Variants in ATM observed in about 807,000 individuals in gnomAD.
The protein encoded by ATM is serine-protein kinase ATM.
Under a neutral mutation model 387.0 loss-of-function variants are expected in ATM, and 308 were observed. The ratio of observed to expected loss-of-function variants is 0.80; its 90% CI spans 0.73 to 0.87. The LOEUF (loss-of-function observed/expected upper bound fraction) is 0.87. Among genes scored for constraint, ATM ranks in the 40% least tolerant of loss-of-function variants. ATM has a pLI of 0.00. For missense variants in ATM, 3,312 were observed against 3,560.9 expected, an observed-to-expected ratio of 0.93 and a Z score of 1.78; for synonymous variants, 1,156 against 1,187.3, an observed-to-expected ratio of 0.97 and a Z score of 0.54.
chr11:108,225,349 G>A (rs561343933), intron 1 of ATM: 3 of 152,240 alleles, frequency 2.0e-5, no homozygotes, highest in Non-Finnish European at 2.9e-5. Flanking sequence ...ATCTATAGCA[G>A]AGTAAAGCGG....
At chr11:108,289,429 C>A (rs971958634) in intron 28 of ATM, among the ~76,000 whole-genome samples, 173 bp from the exon 29 acceptor site, 1 of 151,968 alleles carries the variant, frequency 6.6e-6, no homozygotes. Flanking sequence ...TAGTAATTTT[C>A]TTAATGTAAC....
intron 51 of ATM, 43 bp downstream of exon 51, chr11:108,331,600 C>T (rs1365478835): frequency 1.4e-6 from 2 of 1,471,282 alleles, no homozygotes; most frequent in African/African-American, 1.4e-5. Flanking sequence ...TATTTTTATT[C>T]TATTATTACT....
chr11:108,330,801 T>C (rs1234861773), intron 50 of ATM, among the ~76,000 whole-genome samples: 1 of 152,192 alleles, frequency 6.6e-6, no homozygotes, highest in Admixed American at 6.5e-5. Flanking sequence ...GTTTTCCCCC[T>C]GCTGCAGAAA....
chr11:108,264,976 TAAAAG>T (rs1164044773), intron 16 of ATM, among the ~76,000 whole-genome samples: 1 of 111,402 alleles, frequency 9.0e-6, no homozygotes, highest in African/African-American at 3.6e-5. Context: ...CTCAAGGAAA[TAAAAG>T]AGGATACAAA....
chr11:108,279,142 A>G (rs1372051793), intron 22 of ATM, among the ~76,000 whole-genome samples: 1 of 152,240 alleles, frequency 6.6e-6, no homozygotes, highest in Non-Finnish European at 1.5e-5. Flanking sequence ...GCAGGTTGAC[A>G]TTGGAATCTG....
At chr11:108,247,174 T>C in intron 8 of ATM, 47 bp downstream of exon 8, 2 of 1,608,598 alleles carry the variant, frequency 1.2e-6, no homozygotes, top group East Asian at 4.5e-5. Flanking sequence ...CTGTTAATTT[T>C]TTTTTTAAAC....
intron 26 of ATM, among the ~76,000 whole-genome samples, chr11:108,285,446 A>G (rs552863898): frequency 5.9e-5 from 9 of 152,220 alleles, no homozygotes; most frequent in African/African-American, 2.2e-4. Context: ...ATTTATATAC[A>G]TTTCCAAAAT....
intron 8 of ATM, among the ~76,000 whole-genome samples, chr11:108,247,383 C>T (rs531083714): frequency 6.6e-6 from 1 of 152,192 alleles, no homozygotes; most frequent in South Asian, 2.1e-4. Flanking sequence ...AATAAGGTGA[C>T]CCTAACCCTA....
At chr11:108,336,094 C>T (rs865982041) in intron 56 of ATM, 133 bp downstream of exon 56, 32 of 667,852 alleles carry the variant, frequency 4.8e-5, no homozygotes, top group Admixed American at 2.0e-4. Context: ...GCCAGGAGTT[C>T]GAGACCAGCC....
chr11:108,329,324 T>C, intron 49 of ATM, 86 bp downstream of exon 49: 1 of 1,205,320 alleles, frequency 8.3e-7, no homozygotes, highest in South Asian at 1.3e-5. Context: ...CTTGGTCTTT[T>C]TATCTGATAT....
intron 4 of ATM, chr11:108,231,340 T>G (rs1360408727): frequency 2.0e-5 from 3 of 152,172 alleles, no homozygotes; most frequent in Non-Finnish European, 2.9e-5. Context: ...GAAGTGTGTG[T>G]TCAGGGACTC....
intron 40 of ATM, among the ~76,000 whole-genome samples, chr11:108,312,907 T>A (rs2084299195): frequency 6.6e-6 from 1 of 152,236 alleles, no homozygotes; most frequent in Non-Finnish European, 1.5e-5. Context: ...AATTGGCTCA[T>A]GTTACTGTCT....
intron 6 of ATM, 103 bp from the exon 7 acceptor site, chr11:108,244,685 G>C: frequency 1.1e-6 from 1 of 914,794 alleles, no homozygotes; most frequent in Non-Finnish European, 1.8e-6. Context: ...TTGAAAATTA[G>C]GGTTTTGTTT....
At chr11:108,349,183 T>C (rs576578041) in intron 59 of ATM, among the ~76,000 whole-genome samples, 3 of 152,138 alleles carry the variant, frequency 2.0e-5, no homozygotes, top group African/African-American at 7.2e-5. Context: ...GGAAAATCTT[T>C]TATGAAAGAA....
intron 42 of ATM, among the ~76,000 whole-genome samples, 159 bp downstream of exon 42, chr11:108,316,272 G>A (rs749530178): frequency 2.0e-5 from 3 of 152,136 alleles, no homozygotes; most frequent in Non-Finnish European, 4.4e-5. Flanking sequence ...GGATACTCCT[G>A]AAGCAGAGGG....
At chr11:108,233,141 C>T (rs1304533909) in intron 4 of ATM, among the ~76,000 whole-genome samples, 9 of 152,140 alleles carry the variant, frequency 5.9e-5, no homozygotes, top group African/African-American at 9.7e-5. Context: ...GGTTTATAGG[C>T]GTGAGCCACT....
At position 108,271,269 on chromosome 11, in the gene ATM, T is replaced by C. The variant is rs748119565; in HGVS notation, c.2940T>C (p.Tyr980=). 7 of 1,613,868 alleles carry C rather than the reference T, an allele frequency of 4.3e-6. No homozygotes were observed. The South Asian group carries it at 7.7e-5, about 18-fold the overall frequency. Residue 980 remains tyrosine (Y), a synonymous_variant, in exon 20 of 63, where the codon TAT becomes TAC. Transcript: ENST00000675843. ...ACCACAGCAATGTGTGTTCTTTGTA[T>C]CGTCGTGACCAAGATGTTTGTAAAA... ...LKPLSNVCSL[Y]RRDQDVCKTI...
intron 1 of ATM, chr11:108,223,754 G>A (rs1280255818): frequency 6.6e-6 from 1 of 152,236 alleles, no homozygotes. Flanking sequence ...GATGGTAGAG[G>A]AGTGACTTTG....
intron 60 of ATM, among the ~76,000 whole-genome samples, chr11:108,354,391 A>C (rs1482645099): frequency 6.6e-6 from 1 of 152,108 alleles, no homozygotes; most frequent in African/African-American, 2.4e-5. Context: ...ATTTTTATTT[A>C]TAGGAGCTTG....
Sources: gnomAD v4.1 joint callset for allele counts (sites outside exome capture counted in the v4.1 genomes callset) on GRCh38, gnomAD v4.1.1 for gene constraint, MANE v1.5 for transcripts, NCBI Gene and HGNC (gene_info 2026-07-23, HGNC 2026-07-21) for gene names.